Variants in SYMPK observed in about 807,000 individuals in gnomAD.
SYMPK encodes symplekin scaffold protein.
In SYMPK, 49 loss-of-function variants were observed where a neutral mutation model predicts 136.4. The observed-to-expected ratio is 0.36, with a 90% CI of 0.29 to 0.46. The LOEUF is 0.46. Ranked by LOEUF, SYMPK falls within the 20% of genes least tolerant of loss-of-function variation. The pLI is 1.00. For missense variants in SYMPK, 1,365 were observed against 1,690.0 expected (o/e 0.81, Z 3.37); for synonymous variants, 766 against 713.0 (o/e 1.07, Z -1.19).
intron 21 of SYMPK, among the ~76,000 whole-genome samples, chr19:45,822,366 C>T (rs969304375): frequency 3.1e-4 from 47 of 152,178 alleles, no homozygotes; most frequent in Non-Finnish European, 5.4e-4. Flanking sequence ...GATCCGCCCG[C>T]CTCGCCTCAA....
chr19:45,828,978 C>G lies in SYMPK; in HGVS notation c.1977G>C (p.Gln659His), dbSNP rs1451451872. ...AGGGTCAGCCCCCTCACCCATCCTT[C>G]TGGTCTGGTTTCTCCTGCAGGCCAG... ...LLSGLQEKPDQKDGIFTKVVL... is the reference protein window; with the variant it reads ...LLSGLQEKPDHKDGIFTKVVL... Residue 659 changes from glutamine to histidine, a missense_variant, in exon 14 of 27, where the codon CAG (glutamine) becomes CAC (histidine). Physicochemically the swap from Gln to His is conservative, Grantham distance 24. This residue lies in a region of SYMPK where 303 missense variants were observed against 326.6 expected (regional missense o/e 0.93). Transcript: ENST00000245934. 6.2e-7 allele frequency: 1 copy of G among 1,614,118 alleles called. No individual in the cohort carries two copies.
At chr19:45,843,961 AAAAAAAAAAG>A in intron 8 of SYMPK, 59 bp downstream of exon 8, 2 of 1,065,056 alleles carry the variant, frequency 1.9e-6, no homozygotes, top group South Asian at 2.7e-5. Context: ...AAAAAAAAAA[AAAAAAAAAAG>A]AAAGAGCAGA....
chr19:45,822,638 G>C (rs1970934907), intron 21 of SYMPK, 118 bp downstream of exon 21: 3 of 761,696 alleles, frequency 3.9e-6, no homozygotes, highest in African/African-American at 1.7e-5. Context: ...CAGTACAGCT[G>C]GTGTCCCAGG....
chr19:45,839,727 G>A (rs1020662517), intron 9 of SYMPK, among the ~76,000 whole-genome samples: 3 of 152,158 alleles, frequency 2.0e-5, no homozygotes, highest in Admixed American at 2.0e-4. Context: ...AGCTACTCGG[G>A]AGGCTGAGGC....
rs867051022 is a variant in SYMPK at position 45,830,110 on chromosome 19, C to T, written c.1693G>A (p.Ala565Thr). Residue 565 changes from alanine (A) to threonine (T), a missense_variant, in exon 13 of 27, where the codon GCT becomes ACT. By Grantham distance (58) the Ala-to-Thr change is moderately conservative (BLOSUM62 0). Around this residue, in one of 11 missense-constraint regions of SYMPK, gnomAD observed 303 missense variants for 326.6 expected, o/e 0.93. Coordinates refer to ENST00000245934, the MANE Select transcript of SYMPK (RefSeq NM_004819.3). The part of the protein sequence containing the change: ...DAQVEAMKLG[A>T]VKRILRAEKA... The stretch of plus-strand genomic sequence containing the variant: ...TCAGCCCGCAGGATCCGCTTCACAG[C>T]GCCCAGCTTCATGGCTTCCACCTGG... 6.9e-6 allele frequency: 11 copies of T among 1,585,000 alleles called. No homozygotes were observed. Among genetic ancestry groups the T allele is most frequent in the East Asian group, 6.9e-5 (3 of 43,236 alleles).
chr19:45,850,627 G>T (rs1020965059), intron 5 of SYMPK, among the ~76,000 whole-genome samples: 5 of 152,144 alleles, frequency 3.3e-5, no homozygotes, highest in Admixed American at 2.0e-4. Flanking sequence ...ACCTGACACA[G>T]CGCAGGGCAC....
At chr19:45,822,533 C>T (rs990758879) in intron 21 of SYMPK, among the ~76,000 whole-genome samples, 1 of 152,204 alleles carries the variant, frequency 6.6e-6, no homozygotes, top group Non-Finnish European at 1.5e-5. Context: ...GGAGCCTCCG[C>T]CCCTAGCTCC....
intron 17 of SYMPK, among the ~76,000 whole-genome samples, chr19:45,825,920 G>A (rs1971033882): frequency 6.6e-6 from 1 of 152,188 alleles, no homozygotes; most frequent in Non-Finnish European, 1.5e-5. Context: ...TTTACTCGGG[G>A]TCTGAGTCTA....
At chr19:45,862,838 C>T (rs896725694) in intron 1 of SYMPK, among the ~76,000 whole-genome samples, 1 of 152,254 alleles carries the variant, frequency 6.6e-6, no homozygotes, top group African/African-American at 2.4e-5. Context: ...CGAGTCGAAG[C>T]AAGCGAGGTC....
Position 45,827,626 on chromosome 19 carries a change from G to C in SYMPK, c.2068-3C>G. 6.2e-7 allele frequency: 1 copy of C among 1,613,228 alleles called. No homozygotes were observed. Reference sequence around the variant, plus strand: ...GACATGCCCAGATAGGTGCGACTCTGCAGCAAAAGGAAAGGGACCCGAGCT... The same window carrying C: ...GACATGCCCAGATAGGTGCGACTCTCCAGCAAAAGGAAAGGGACCCGAGCT... On this transcript the variant is annotated splice_region_variant and splice_polypyrimidine_tract_variant and intron_variant, in intron 15 of 26. Transcript: ENST00000245934.
chr19:45,817,858 T>TC, intron 23 of SYMPK, 101 bp downstream of exon 23: 1 of 1,242,668 alleles, frequency 8.0e-7, no homozygotes, highest in Non-Finnish European at 1.1e-6. Flanking sequence ...CCTGCTGTCC[T>TC]CCACCGGGCT....
intron 14 of SYMPK, 113 bp from the exon 15 acceptor site, chr19:45,828,031 G>T: frequency 2.2e-6 from 2 of 913,540 alleles, no homozygotes; most frequent in Non-Finnish European, 3.5e-6. Context: ...GGGGCTGCTT[G>T]TTCAAGCCCC....
At position 45,831,555 on chromosome 19, in the gene SYMPK, G is replaced by C; in HGVS notation, c.1427C>G (p.Pro476Arg). The part of the protein sequence containing the change: ...VEQTKQCKEE[P>R]KEEKVVKTES... ...TGTCTTCACCACCTTCTCCTCCTTG[G>C]GCTCCTCCTTGCACTGTTTGGTCTG... Residue 476 changes from proline to arginine, a missense_variant, in exon 12 of 27, where the codon CCC (proline) becomes CGC (arginine). Physicochemically the swap from Pro to Arg is moderately radical, Grantham distance 103. This residue lies in a region of SYMPK where 46 missense variants were observed against 63.9 expected (regional missense o/e 0.72). Transcript: ENST00000245934. The C allele has an allele frequency of 6.2e-7, 1 of 1,610,374 alleles. No individual in the cohort carries two copies. Among genetic ancestry groups the C allele is most frequent in the Non-Finnish European group, 8.5e-7 (1 of 1,178,578 alleles).
Position 45,848,018 on chromosome 19 carries a change from A to C in SYMPK, c.427-17T>G, listed in dbSNP as rs749603117. The C allele has an allele frequency of 1.9e-6, 3 of 1,560,968 alleles. No individual in the cohort carries two copies. The highest frequency in any genetic ancestry group is 2.4e-5 in the South Asian group (2 of 83,070). On this transcript the variant is annotated splice_polypyrimidine_tract_variant and intron_variant, in intron 6 of 26. Coordinates refer to ENST00000245934, the MANE Select transcript of SYMPK (RefSeq NM_004819.3). ...TACCATCCACTGCCAGCAGGCCAGG[A>C]AGGAATGGAAGAGACACACAAAGAG... is the stretch of plus-strand genomic sequence containing the variant.
chr19:45,857,075 G>A (rs903118875), intron 1 of SYMPK, among the ~76,000 whole-genome samples: 29 of 149,546 alleles, frequency 1.9e-4, no homozygotes, highest in African/African-American at 6.2e-4. Flanking sequence ...CTGAGATCAC[G>A]CCACTGCACT....
rs1219783701 is a variant in SYMPK, at chr19:45,822,758, T to C, written c.2789A>G (p.His930Arg). 14 of 1,613,800 alleles carry C rather than the reference T, an allele frequency of 8.7e-6. No homozygotes were observed. The highest frequency in any genetic ancestry group is 1.2e-5 in the Non-Finnish European group (14 of 1,179,902). Residue 930 changes from histidine to arginine, a missense_variant and splice_region_variant, in exon 21 of 27, where the codon CAT (histidine) becomes CGT (arginine). This residue lies in a region of SYMPK where 156 missense variants were observed against 217.8 expected (regional missense o/e 0.72). Coordinates refer to ENST00000245934, the MANE Select transcript of SYMPK (RefSeq NM_004819.3). ...EVFNRLLGTQ[H>R]GEGNSALSPL... is the part of the protein sequence containing the mutation. ...GGGGATGAGGCTGCATCACCTACCA[T>C]GCTGGGTGCCCAGCAGGCGGTTGAA...
chr19:45,815,814 C>G (rs952551479), intron 26 of SYMPK, 37 bp downstream of exon 26: 12 of 1,604,668 alleles, frequency 7.5e-6, no homozygotes, highest in Non-Finnish European at 1.0e-5. Flanking sequence ...GGCCCAGATC[C>G]GGCTTCTTCC....
At position 45,827,617 on chromosome 19, in the gene SYMPK, TG is replaced by T; in HGVS notation, c.2073del (p.Thr692ProfsTer11). The T allele has an allele frequency of 1.2e-6, 2 of 1,613,914 alleles. No homozygotes were observed. The highest frequency in any genetic ancestry group is 1.7e-6 in the Non-Finnish European group (2 of 1,179,896). On this transcript the variant is annotated frameshift_variant, in exon 16 of 27. Coordinates refer to ENST00000245934, the MANE Select transcript of SYMPK (RefSeq NM_004819.3). LOFTEE classifies it high-confidence loss of function. ...CGAAGTGTGGACATGCCCAGATAGG[TG>T]CGACTCTGCAGCAAAAGGAAAGGGA... Reference protein sequence around the residue: ...VVRKYCEDESRTYLGMSTLRD... With the variant: ...VVRKYCEDESXTYLGMSTLRD...
At chr19:45,850,954 C>T (rs1423872034) in intron 5 of SYMPK, among the ~76,000 whole-genome samples, 1 of 151,856 alleles carries the variant, frequency 6.6e-6, no homozygotes, top group Non-Finnish European at 1.5e-5. Context: ...CAGGTGGCAA[C>T]CTGGGGACGA....
Sources: gnomAD v4.1 joint callset for allele counts (sites outside exome capture counted in the v4.1 genomes callset) on GRCh38, gnomAD v4.1.1 for gene constraint, gnomAD v4.1.1 regional missense constraint, MANE v1.5 for transcripts, NCBI Gene and HGNC (gene_info 2026-07-23, HGNC 2026-07-21) for gene names.